Variants in RHOH observed in about 807,000 individuals in gnomAD.
RHOH encodes ras homolog family member H, also known as rho-related GTP-binding protein RhoH.
RHOH carries 6 observed loss-of-function variants against 13.8 expected under a neutral mutation model. The observed-to-expected ratio is 0.44, with a 90% CI of 0.24 to 0.86. The LOEUF (loss-of-function observed/expected upper bound fraction) is 0.86. Among genes scored for constraint, RHOH ranks in the 40% least tolerant of loss-of-function variants. The pLI is 0.24. For synonymous variants in RHOH, 117 were observed against 103.0 expected (o/e 1.14, Z -0.82); for missense variants, 147 against 244.5 (o/e 0.60, Z 2.66).
intron 1 of RHOH, among the ~76,000 whole-genome samples, chr4:40,222,629 C>G (rs537153899): frequency 1.3e-5 from 2 of 152,326 alleles, no homozygotes; most frequent in African/African-American, 2.4e-5. Flanking sequence ...GACAACGCAC[C>G]TAGTCACCCA....
At chr4:40,221,112 T>A (rs1726503138) in intron 1 of RHOH, among the ~76,000 whole-genome samples, 1 of 152,216 alleles carries the variant, frequency 6.6e-6, no homozygotes, top group East Asian at 1.9e-4. Context: ...CCTAGTACAA[T>A]TTATTCTATA....
intron 1 of RHOH, among the ~76,000 whole-genome samples, chr4:40,213,389 TCA>T (rs1388988371): frequency 6.7e-6 from 1 of 149,822 alleles, no homozygotes; most frequent in East Asian, 1.9e-4. Context: ...TCTCTCTCTC[TCA>T]CACACACACC....
At chr4:40,233,397 G>A (rs963810565) in intron 1 of RHOH, among the ~76,000 whole-genome samples, 1 of 114,190 alleles carries the variant, frequency 8.8e-6, no homozygotes, top group Non-Finnish European at 1.8e-5. Flanking sequence ...CTGTGCTGTA[G>A]ACACTATGCA....
At chr4:40,207,205 CAA>C (rs568521139) in intron 1 of RHOH, among the ~76,000 whole-genome samples, 13 of 109,674 alleles carry the variant, frequency 1.2e-4, no homozygotes, top group Non-Finnish European at 1.2e-4. Flanking sequence ...GACTCCATCT[CAA>C]AAAAAAAAAA....
chr4:40,226,364 T>C (rs1255931357), intron 1 of RHOH, among the ~76,000 whole-genome samples: 1 of 151,650 alleles, frequency 6.6e-6, no homozygotes, highest in Non-Finnish European at 1.5e-5. Context: ...CCATCTCTAC[T>C]AAAAATACAA....
At chr4:40,222,389 C>T (rs1441065204) in intron 1 of RHOH, among the ~76,000 whole-genome samples, 2 of 152,180 alleles carry the variant, frequency 1.3e-5, no homozygotes, top group African/African-American at 4.8e-5. Context: ...TAGTTAGGGG[C>T]TAATGCAGCT....
chr4:40,195,457 G>A (rs1723049772), upstream of RHOH, among the ~76,000 whole-genome samples: 1 of 133,980 alleles, frequency 7.5e-6, no homozygotes, highest in Admixed American at 8.8e-5. Flanking sequence ...CCCTCCTTCT[G>A]TCTGTCCCTC....
intron 1 of RHOH, among the ~76,000 whole-genome samples, chr4:40,198,818 A>G (rs575373957): frequency 1.3e-5 from 2 of 152,286 alleles, no homozygotes; most frequent in South Asian, 2.1e-4. Flanking sequence ...CCCAAATTCC[A>G]TGAAATATGT....
At chr4:40,203,446 T>C (rs1724269184) in intron 1 of RHOH, among the ~76,000 whole-genome samples, 2 of 152,160 alleles carry the variant, frequency 1.3e-5, no homozygotes, top group African/African-American at 4.8e-5. Flanking sequence ...GTGAATTGCC[T>C]GCAGATTACA....
At chr4:40,213,072 A>G (rs892291128) in intron 1 of RHOH, among the ~76,000 whole-genome samples, 2 of 152,220 alleles carry the variant, frequency 1.3e-5, no homozygotes, top group South Asian at 2.1e-4. Flanking sequence ...AGAACACTCT[A>G]CTTTATGCAG....
chr4:40,207,803 C>T (rs1724824983), intron 1 of RHOH, among the ~76,000 whole-genome samples: 1 of 152,078 alleles, frequency 6.6e-6, no homozygotes, highest in African/African-American at 2.4e-5. Flanking sequence ...CTGGTCTCTA[C>T]TAAAAATACA....
At chr4:40,224,323 C>CT (rs1165938039) in intron 1 of RHOH, among the ~76,000 whole-genome samples, 1 of 152,148 alleles carries the variant, frequency 6.6e-6, no homozygotes, top group Non-Finnish European at 1.5e-5. Flanking sequence ...CTTTCCAGTT[C>CT]TTTTTTTGCT....
At chr4:40,234,362 A>G (rs987652120) in intron 1 of RHOH, among the ~76,000 whole-genome samples, 3 of 152,184 alleles carry the variant, frequency 2.0e-5, no homozygotes, top group Non-Finnish European at 2.9e-5. Flanking sequence ...ATGAGTTTCT[A>G]AGGGTGCTCT....
In RHOH at chr4:40,197,272, C is replaced by T. The variant is rs931102775; in HGVS notation, c.-359C>T. On this transcript the variant is annotated 5_prime_UTR_variant, in exon 1 of 3. Coordinates refer to ENST00000381799, the MANE Select transcript of RHOH (RefSeq NM_004310.5). ...TTTCCGGAGTCAGTCATTTTACTGT[C>T]AAGACATTTCTTCGGCATTCTGCAA... 3 of 152,338 alleles carry T rather than the reference C, an allele frequency of 2.0e-5. No individual in the cohort carries two copies. The highest frequency in any genetic ancestry group is 2.4e-5 in the African/African-American group (1 of 41,570). 9.4% of individuals were successfully genotyped at this position (152,338 alleles called of 1,614,324 possible).
chr4:40,198,162 T>C (rs1034847648), intron 1 of RHOH, among the ~76,000 whole-genome samples: 2 of 152,222 alleles, frequency 1.3e-5, no homozygotes, highest in Non-Finnish European at 2.9e-5. Context: ...TGAAGAGTTC[T>C]GTGAATTCCA....
rs1729452508 is a variant in RHOH at position 40,243,118 on chromosome 4, C to T, written c.-209-60C>T. On this transcript the variant is annotated intron_variant, in intron 2 of 2. Coordinates refer to ENST00000381799, the MANE Select transcript of RHOH (RefSeq NM_004310.5). This position sits in a 1 kb window ranked among gnomAD's most constrained non-coding sequence, Gnocchi z 6.2. ...GTTTGCCAATGAGGAAGCCCCTTAT[C>T]TTCAAAAAAGGCAAGAAAGAAAGAA... 5.2e-6 allele frequency: 2 copies of T among 386,144 alleles called. No individual in the cohort carries two copies. Among genetic ancestry groups the T allele is most frequent in the South Asian group, 1.1e-4 (2 of 17,504 alleles). 23.9% of individuals were successfully genotyped at this position (386,144 alleles called of 1,614,324 possible).
chr4:40,204,623 G>T (rs1185490361), intron 1 of RHOH, among the ~76,000 whole-genome samples: 2 of 152,168 alleles, frequency 1.3e-5, no homozygotes, highest in African/African-American at 4.8e-5. Context: ...GAGGCCTCAA[G>T]TGAGGAGCTC....
At chr4:40,226,384 G>A (rs1223531172) in intron 1 of RHOH, among the ~76,000 whole-genome samples, 1 of 152,060 alleles carries the variant, frequency 6.6e-6, no homozygotes. Context: ...AAATTAGCTG[G>A]GTGTGGTGGC....
chr4:40,244,403 G>A lies in RHOH; in HGVS notation c.*441G>A, dbSNP rs1056100799. On this transcript the variant is annotated 3_prime_UTR_variant, in exon 3 of 3. Coordinates refer to ENST00000381799, the MANE Select transcript of RHOH (RefSeq NM_004310.5). ...TCCTCTGTGAGTGAAATGCTTGTAC[G>A]AAGCTCTGCCATATGTTTGTAGTGT... is the stretch of plus-strand genomic sequence containing the variant. 8 of 226,164 alleles carry A rather than the reference G, an allele frequency of 3.5e-5. No individual in the cohort carries two copies. Among genetic ancestry groups the A allele is most frequent in the African/African-American group, 9.1e-5 (4 of 44,150 alleles). The allele number at this position is 226,164 out of a possible 1,614,324, so 14.0% of individuals were successfully genotyped here.
Sources: allele counts gnomAD v4.1 joint callset (sites outside exome capture counted in the v4.1 genomes callset), GRCh38; gene constraint gnomAD v4.1.1; non-coding constraint Gnocchi (gnomAD v3.1); transcripts MANE v1.5; gene names NCBI Gene and HGNC (gene_info 2026-07-23, HGNC 2026-07-21).